Variants in RTN4 observed in about 807,000 individuals in gnomAD.
RTN4 encodes reticulon-4.
A neutral mutation model predicts 90.4 loss-of-function variants in RTN4; 32 were observed. The observed-to-expected ratio is 0.35, with a 90% CI of 0.27 to 0.48. The LOEUF (loss-of-function observed/expected upper bound fraction) is 0.48, where lower values mean the gene tolerates loss of function less well. RTN4 is among the 20% of genes least tolerant of loss of function. The pLI, the probability that RTN4 is intolerant of heterozygous loss-of-function variation, is 0.99. For synonymous variants in RTN4, 629 were observed against 552.5 expected (o/e 1.14, Z -1.94); for missense variants, 1,706 against 1,430.2 (o/e 1.19, Z -3.11).
At chr2:55,034,651 A>G (rs755206885) in intron 1 of RTN4, among the ~76,000 whole-genome samples, 5 of 152,252 alleles carry the variant, frequency 3.3e-5, no homozygotes, top group Non-Finnish European at 7.3e-5. Flanking sequence ...AGAGAAAATG[A>G]TATGAGATGT....
chr2:55,025,531 A>G lies in RTN4; in HGVS notation c.2568T>C (p.Thr856=), dbSNP rs1449360362. The change falls in exon 3 of 9, where the codon ACT becomes ACC. Residue 856 remains threonine, a synonymous_variant. Transcript: ENST00000337526. ...TTGGAGATGAATCTGAAAACGTTTC[A>G]GTTTCTCTTATCTGTGCTTCCTTAG... is the stretch of plus-strand genomic sequence containing the variant. ...FISKEAQIRE[T]ETFSDSSPIE... 1.9e-6 allele frequency: 3 copies of G among 1,613,664 alleles called. No homozygotes were observed. The highest frequency in any genetic ancestry group is 2.5e-6 in the Non-Finnish European group (3 of 1,179,820).
intron 1 of RTN4, among the ~76,000 whole-genome samples, chr2:55,098,846 C>T (rs1293231288): frequency 6.6e-6 from 1 of 152,116 alleles, no homozygotes; most frequent in Admixed American, 6.6e-5. Flanking sequence ...TTGCTGCCTT[C>T]ATTCCCCCAA....
rs1193199622 is a variant in RTN4 at position 55,027,393 on chromosome 2, G to C, written c.706C>G (p.Pro236Ala). ...SVLLETAASL[P>A]SLSPLSAASF... The stretch of plus-strand genomic sequence containing the variant: ...GCGGCTGAGAGAGGAGACAGAGAAG[G>C]AAGAGAAGCAGCAGTTTCAAGCAGG... The change falls in exon 3 of 9, where the codon CCT (proline) becomes GCT (alanine). Residue 236 changes from proline (P) to alanine (A), a missense_variant. Coordinates refer to ENST00000337526, the MANE Select transcript of RTN4 (RefSeq NM_020532.5). The C allele has an allele frequency of 6.2e-7, 1 of 1,613,638 alleles. No homozygotes were observed. Among genetic ancestry groups the C allele is most frequent in the East Asian group, 2.2e-5 (1 of 44,886 alleles).
chr2:55,084,332 G>C (rs995395892), intron 1 of RTN4, among the ~76,000 whole-genome samples: 1 of 150,568 alleles, frequency 6.6e-6, no homozygotes, highest in Non-Finnish European at 1.5e-5. Flanking sequence ...ATAGAGGTGG[G>C]GTCTCACTAT....
intron 3 of RTN4, among the ~76,000 whole-genome samples, chr2:55,009,147 T>C (rs1680451320): frequency 6.6e-6 from 1 of 152,136 alleles, no homozygotes; most frequent in African/African-American, 2.4e-5. Context: ...TTTAGAAATA[T>C]TGTTGCCAAT....
intron 3 of RTN4, among the ~76,000 whole-genome samples, chr2:55,022,830 G>GT (rs1681537810): frequency 6.6e-6 from 1 of 150,712 alleles, no homozygotes; most frequent in Non-Finnish European, 1.5e-5. Flanking sequence ...TTTGCCTGAT[G>GT]GCCTAACACT....
At chr2:55,103,413 T>C (rs777665483) in intron 1 of RTN4, among the ~76,000 whole-genome samples, 4 of 152,040 alleles carry the variant, frequency 2.6e-5, no homozygotes, top group Admixed American at 6.6e-5. Context: ...ATAGTGCCTA[T>C]AGCTAACAAT....
chr2:55,023,880 T>C (rs1681627816), intron 3 of RTN4, among the ~76,000 whole-genome samples: 2 of 152,136 alleles, frequency 1.3e-5, no homozygotes, highest in African/African-American at 4.8e-5. Context: ...CAGTATTTGA[T>C]AATTTTGACC....
intron 1 of RTN4, among the ~76,000 whole-genome samples, chr2:55,100,724 T>C (rs999361594): frequency 2.0e-5 from 3 of 152,176 alleles, no homozygotes; most frequent in Non-Finnish European, 4.4e-5. Context: ...TACTGACATA[T>C]AATTGTGCTA....
chr2:55,025,834 G>T lies in RTN4; in HGVS notation c.2265C>A (p.Asp755Glu), dbSNP rs199526754. 2 of 1,613,586 alleles carry T rather than the reference G, an allele frequency of 1.2e-6. No homozygotes were observed. Among genetic ancestry groups the T allele is most frequent in the Admixed American group, 1.7e-5 (1 of 59,924 alleles). ...VDLFSDDSIPDVPQKQDETVM... is the reference protein window; with the variant it reads ...VDLFSDDSIPEVPQKQDETVM... ...CAGTTTCATCTTGTTTTTGTGGAAC[G>T]TCAGGTATTGAATCATCACTAAATA... Residue 755 changes from aspartate (D) to glutamate (E), a missense_variant, in exon 3 of 9, where the codon GAC (aspartate) becomes GAA (glutamate). Asp to Glu is a conservative substitution (Grantham distance 45). Coordinates refer to ENST00000337526, the MANE Select transcript of RTN4 (RefSeq NM_020532.5).
At chr2:55,073,257 C>T (rs2105019330) in intron 2 of RTN4, among the ~76,000 whole-genome samples, 1 of 152,312 alleles carries the variant, frequency 6.6e-6, no homozygotes, top group South Asian at 2.1e-4. Context: ...AGCTCAATCT[C>T]TATTTATTTC....
At chr2:55,054,605 C>T (rs1435249195), upstream of RTN4, among the ~76,000 whole-genome samples, 1 of 152,150 alleles carries the variant, frequency 6.6e-6, no homozygotes, top group Non-Finnish European at 1.5e-5. Flanking sequence ...TGGGTATACT[C>T]TTGCCTACAT....
intron 2 of RTN4, among the ~76,000 whole-genome samples, chr2:55,062,065 C>T (rs1186864124): frequency 6.6e-6 from 1 of 152,096 alleles, no homozygotes. Context: ...ACTGGCACGC[C>T]GGCAGGTCAT....
intron 4 of RTN4, among the ~76,000 whole-genome samples, chr2:54,986,478 G>A (rs919388723): frequency 6.6e-6 from 1 of 152,204 alleles, no homozygotes; most frequent in Non-Finnish European, 1.5e-5. Flanking sequence ...TACAAAAGCA[G>A]GCAGCAGACT....
chr2:55,100,235 C>T (rs530070966), intron 1 of RTN4, among the ~76,000 whole-genome samples: 117 of 152,188 alleles, frequency 7.7e-4, no homozygotes, highest in Non-Finnish European at 1.3e-3. Context: ...GACCCCACTA[C>T]GGAGTTAAGG....
the RTN4 span, among the ~76,000 whole-genome samples, chr2:55,128,882 G>A: frequency 6.6e-6 from 1 of 151,552 alleles, no homozygotes; most frequent in East Asian, 2.0e-4. Flanking sequence ...CGAGATGGGT[G>A]GATCACCTGA....
chr2:55,036,759 C>T (rs1271043197), intron 1 of RTN4, among the ~76,000 whole-genome samples: 1 of 151,998 alleles, frequency 6.6e-6, no homozygotes, highest in Non-Finnish European at 1.5e-5. Flanking sequence ...CACCTGTTAT[C>T]ATAAAAACTA....
At chr2:54,981,408 T>C (rs534112438) in intron 5 of RTN4, among the ~76,000 whole-genome samples, 1 of 152,118 alleles carries the variant, frequency 6.6e-6, no homozygotes, top group Non-Finnish European at 1.5e-5. Flanking sequence ...GTGATAAATA[T>C]AAACTAGAAC....
intron 1 of RTN4, among the ~76,000 whole-genome samples, chr2:55,032,891 A>G (rs770345090): frequency 6.6e-6 from 1 of 151,898 alleles, no homozygotes; most frequent in Non-Finnish European, 1.5e-5. Flanking sequence ...TAGCCGGTGT[A>G]GTGGTGCACA....
Sources: allele counts gnomAD v4.1 joint callset (sites outside exome capture counted in the v4.1 genomes callset), GRCh38; gene constraint gnomAD v4.1.1; transcripts MANE v1.5; gene names NCBI Gene and HGNC (gene_info 2026-07-23, HGNC 2026-07-21).